ZNF317: variants seen among roughly 807,000 people sequenced by gnomAD.
ZNF317 encodes the protein KRAB-containing zinc finger protein 317.
Under a neutral mutation model 23.4 loss-of-function variants are expected in ZNF317, and 17 were observed. That is an observed-to-expected ratio of 0.73 (90% CI 0.50 to 1.09). ZNF317 has a LOEUF of 1.09. Ranked by LOEUF, ZNF317 falls within the 50% of genes least tolerant of loss-of-function variation. The pLI, the probability that ZNF317 is intolerant of heterozygous loss-of-function variation, is 0.00. For synonymous variants in ZNF317, 317 were observed against 314.9 expected, an observed-to-expected ratio of 1.01 and a Z score of -0.07; for missense variants, 679 against 796.7, an observed-to-expected ratio of 0.85 and a Z score of 1.78.
chr19:9,161,508 A>G lies in ZNF317; in HGVS notation c.*75A>G, dbSNP rs957293259. 1 of 1,525,918 alleles carries G rather than the reference A, an allele frequency of 6.6e-7. No homozygotes were observed. Among genetic ancestry groups the G allele is most frequent in the Admixed American group, 2.1e-5 (1 of 47,766 alleles). 94.5% of individuals were successfully genotyped at this position (1,525,918 alleles called of 1,614,324 possible). A position where few individuals can be genotyped will look rare whatever the true frequency, so the allele number is the denominator to read the frequency against. On this transcript the variant is annotated 3_prime_UTR_variant, in exon 7 of 7. Transcript: ENST00000247956. The surrounding 1 kb of genome is among the most constrained non-coding windows in gnomAD (Gnocchi z 4.0). ...GTGGGTGTAAGAGGAAGCCTCTGTG[A>G]GCTCGCACCTTACTGGGTGCAAAAG...
intron 1 of ZNF317, among the ~76,000 whole-genome samples, chr19:9,141,089 A>G (rs2050625633): frequency 6.6e-6 from 1 of 152,136 alleles, no homozygotes. Context: ...ACTCTTGTAA[A>G]TAGCCTATAT....
chr19:9,157,230 T>C, intron 3 of ZNF317, 38 bp from the exon 4 acceptor site: 1 of 1,609,454 alleles, frequency 6.2e-7, no homozygotes, highest in Non-Finnish European at 8.5e-7. Flanking sequence ...ATCGTTAGGC[T>C]GGTTCCTCGC....
intron 6 of ZNF317, among the ~76,000 whole-genome samples, chr19:9,159,513 GTTTT>G (rs1214196139): frequency 2.1e-5 from 3 of 144,864 alleles, no homozygotes; most frequent in Non-Finnish European, 3.0e-5. Flanking sequence ...CAATTCAGTG[GTTTT>G]TGTTTGTTTG....
At chr19:9,156,949 TG>T in intron 3 of ZNF317, 1 of 721,386 alleles carries the variant, frequency 1.4e-6, no homozygotes, top group Non-Finnish European at 2.2e-6. Context: ...GTTTCCCTCA[TG>T]CTTGCAAAAT....
intron 1 of ZNF317, among the ~76,000 whole-genome samples, chr19:9,150,582 G>T (rs1242036093): frequency 6.6e-6 from 1 of 152,160 alleles, no homozygotes; most frequent in Non-Finnish European, 1.5e-5. Context: ...GGGCCCAGGG[G>T]AACCCTGACC....
At chr19:9,156,786 C>T in intron 3 of ZNF317, 38 bp downstream of exon 3, 2 of 1,601,846 alleles carry the variant, frequency 1.2e-6, no homozygotes, top group Non-Finnish European at 1.7e-6. Flanking sequence ...GCAGGAGAGG[C>T]ACTTCCTGGA....
Position 9,158,835 on chromosome 19 carries a change from C to A in ZNF317, c.395C>A (p.Thr132Asn). 1 of 1,607,232 alleles carries A rather than the reference C, an allele frequency of 6.2e-7. No homozygotes were observed. The highest frequency in any genetic ancestry group is 8.5e-7 in the Non-Finnish European group (1 of 1,173,660). The change falls in exon 6 of 7, where the codon ACT (threonine) becomes AAT (asparagine). Residue 132 changes from threonine (T) to asparagine (N), a missense_variant. Thr to Asn is a moderately conservative substitution (Grantham distance 65). Transcript: ENST00000247956. Reference sequence around the variant, plus strand: ...TTCCAATTTGTTTCAGATTGGGAGACTCCATCTAAAACCAAGTGGTCACTT... The same window carrying A: ...TTCCAATTTGTTTCAGATTGGGAGAATCCATCTAAAACCAAGTGGTCACTT... Reference protein sequence around the residue: ...AHQGACADWETPSKTKWSLLM... With the variant: ...AHQGACADWENPSKTKWSLLM...
At chr19:9,158,466 G>A (rs1429508185) in intron 5 of ZNF317, among the ~76,000 whole-genome samples, 1 of 133,452 alleles carries the variant, frequency 7.5e-6, no homozygotes, top group East Asian at 2.4e-4. Context: ...TGCCTCCCAA[G>A]TAGCTGGGAC....
rs372250094 is a variant in ZNF317 at position 9,159,552 on chromosome 19, GT to G, written c.469-551del. 3.1e-3 allele frequency among the ~76,000 whole-genome samples: 421 copies of G among 134,584 alleles called. 3 individuals carry two copies. Among genetic ancestry groups the G allele is most frequent in the African/African-American group, 0.011 (364 of 32,102 alleles). The allele number at this position is 134,584 out of a possible 152,430, so 88.3% of individuals were successfully genotyped here. ...GTTTTTGTTGTTGTTTTTGTTTTTT[GT>G]TTTTTTTTTTGAGGCACAGTCTTGC... On this transcript the variant is annotated intron_variant, in intron 6 of 6. Transcript: ENST00000247956.
intron 3 of ZNF317, 154 bp downstream of exon 3, chr19:9,156,902 G>T (rs1406755223): frequency 1.8e-5 from 17 of 955,448 alleles, no homozygotes; most frequent in Admixed American, 5.8e-5. Flanking sequence ...CTGTCCTGGT[G>T]TTGGGGAAGT....
At chr19:9,149,982 G>A (rs994296997) in intron 1 of ZNF317, among the ~76,000 whole-genome samples, 3 of 152,204 alleles carry the variant, frequency 2.0e-5, no homozygotes, top group Non-Finnish European at 4.4e-5. Context: ...AGGATTTGCT[G>A]GTGATGCAGG....
chr19:9,141,940 G>A (rs568100493), intron 1 of ZNF317, among the ~76,000 whole-genome samples: 5 of 152,058 alleles, frequency 3.3e-5, no homozygotes, highest in South Asian at 2.1e-4. Flanking sequence ...CGAGTAGCTG[G>A]GAATACAGGC....
At chr19:9,157,191 T>A (rs2050793037) in intron 3 of ZNF317, 77 bp from the exon 4 acceptor site, 3 of 1,567,568 alleles carry the variant, frequency 1.9e-6, no homozygotes, top group East Asian at 2.2e-5. Context: ...TCATGCCCGG[T>A]CTTCAACCTC....
chr19:9,143,923 C>CT (rs375892513), intron 1 of ZNF317, among the ~76,000 whole-genome samples: 27,868 of 123,926 alleles, frequency 0.22, 3,643 homozygotes, highest in African/African-American at 0.36. Context: ...AACCAGCTTT[C>CT]TTTTTTTTTT....
chr19:9,143,204 G>C (rs1347406405), intron 1 of ZNF317, among the ~76,000 whole-genome samples: 2 of 152,074 alleles, frequency 1.3e-5, no homozygotes, highest in Non-Finnish European at 2.9e-5. Flanking sequence ...TTTAATGCTT[G>C]CTGCATTTGT....
chr19:9,158,127 G>A, intron 5 of ZNF317, 52 bp downstream of exon 5: 1 of 1,515,452 alleles, frequency 6.6e-7, no homozygotes, highest in Admixed American at 2.2e-5. Context: ...TCTATTCAGT[G>A]ACTGGGGTGG....
At chr19:9,152,947 C>T (rs1463708800) in intron 1 of ZNF317, among the ~76,000 whole-genome samples, 2 of 152,108 alleles carry the variant, frequency 1.3e-5, no homozygotes, top group Admixed American at 1.3e-4. Flanking sequence ...TAGTAATGTC[C>T]CACTTCCACT....
intron 1 of ZNF317, among the ~76,000 whole-genome samples, chr19:9,151,428 AC>A (rs760133128): frequency 3.3e-5 from 5 of 152,132 alleles, no homozygotes; most frequent in Non-Finnish European, 7.4e-5. Flanking sequence ...GATTGTTATA[AC>A]CCTGGTAATG....
At chr19:9,157,627 C>A in intron 4 of ZNF317, 1 of 600,078 alleles carries the variant, frequency 1.7e-6, no homozygotes, top group Non-Finnish European at 2.6e-6. Flanking sequence ...AATACGAAAT[C>A]CCCATTCTTT....
Sources: allele counts gnomAD v4.1 joint callset (sites outside exome capture counted in the v4.1 genomes callset), GRCh38; gene constraint gnomAD v4.1.1; non-coding constraint Gnocchi (gnomAD v3.1); transcripts MANE v1.5; gene names NCBI Gene and HGNC (gene_info 2026-07-23, HGNC 2026-07-21).